Variants in PRKCI observed in about 807,000 individuals in gnomAD.
PRKCI encodes the protein protein kinase C iota.
A neutral mutation model predicts 84.0 loss-of-function variants in PRKCI; 43 were observed. That is an observed-to-expected ratio of 0.51 (90% CI 0.40 to 0.66). The LOEUF (loss-of-function observed/expected upper bound fraction) is 0.66, where lower values mean the gene tolerates loss of function less well. PRKCI is among the 30% of genes least tolerant of loss of function. The probability of loss-of-function intolerance (pLI) is 0.00; values close to 1 mark genes in which losing one functional copy is unlikely to be tolerated. For missense variants in PRKCI, 459 were observed against 745.6 expected (o/e 0.62, Z 4.48); for synonymous variants, 216 against 234.4 (o/e 0.92, Z 0.72).
intron 1 of PRKCI, among the ~76,000 whole-genome samples, chr3:170,225,080 C>T (rs1732594535): frequency 6.6e-6 from 1 of 152,178 alleles, no homozygotes; most frequent in East Asian, 1.9e-4. Flanking sequence ...CATACAGCTT[C>T]TTTAGTGTTT....
In PRKCI at chr3:170,291,919, A is replaced by G. The variant is rs753618406; in HGVS notation, c.1269A>G (p.Glu423=). Reference sequence around the variant, plus strand: ...GTACTCCTAATTACATTGCTCCTGAAATTTTAAGAGGAGAAGATTATGGTA... The same window carrying G: ...GTACTCCTAATTACATTGCTCCTGAGATTTTAAGAGGAGAAGATTATGGTA... ...FCGTPNYIAP[E]ILRGEDYGFS... Residue 423 remains glutamate (E), a synonymous_variant, in exon 13 of 18, where the codon GAA becomes GAG. Transcript: ENST00000295797. 4 of 1,600,290 alleles carry G rather than the reference A, an allele frequency of 2.5e-6. No homozygotes were observed. Among genetic ancestry groups the G allele is most frequent in the Non-Finnish European group, 3.4e-6 (4 of 1,167,510 alleles).
intron 2 of PRKCI, among the ~76,000 whole-genome samples, chr3:170,254,096 C>CAAA (rs139535233): frequency 7.3e-6 from 1 of 137,278 alleles, no homozygotes; most frequent in African/African-American, 2.6e-5. Flanking sequence ...GATCCGTTTC[C>CAAA]AAAAAAAAAA....
intron 3 of PRKCI, among the ~76,000 whole-genome samples, chr3:170,262,674 AGTTTTACCAT>A (rs1235209813): frequency 6.6e-6 from 1 of 151,848 alleles, no homozygotes; most frequent in Non-Finnish European, 1.5e-5. Flanking sequence ...GTAGAGACAG[AGTTTTACCAT>A]GTTGGCCAGG....
intron 16 of PRKCI, among the ~76,000 whole-genome samples, chr3:170,297,642 G>C (rs529078392): frequency 6.7e-6 from 1 of 148,190 alleles, no homozygotes; most frequent in African/African-American, 2.6e-5. Context: ...AGTAGAGATG[G>C]GGGGGGTTTC....
chr3:170,249,005 G>A (rs1225138157), intron 2 of PRKCI, among the ~76,000 whole-genome samples: 2 of 151,832 alleles, frequency 1.3e-5, no homozygotes, highest in South Asian at 2.1e-4. Flanking sequence ...CCGCCGCCAC[G>A]CTTGGCTAAT....
intron 2 of PRKCI, among the ~76,000 whole-genome samples, chr3:170,245,856 G>A (rs1350456374): frequency 1.3e-5 from 2 of 151,770 alleles, no homozygotes; most frequent in Admixed American, 6.6e-5. Context: ...CATGACTCCT[G>A]GCTCAAGCAC....
chr3:170,293,933 A>G (rs1313395048), intron 14 of PRKCI, among the ~76,000 whole-genome samples: 1 of 152,046 alleles, frequency 6.6e-6, no homozygotes, highest in Non-Finnish European at 1.5e-5. Flanking sequence ...TGCCCACCTC[A>G]GCCTCCCCAG....
At chr3:170,260,138 ATAATCT>A (rs1361260968) in intron 3 of PRKCI, 80 bp downstream of exon 3, 51 of 915,872 alleles carry the variant, frequency 5.6e-5, no homozygotes, top group Non-Finnish European at 3.3e-5. Flanking sequence ...ATTTTGAAAC[ATAATCT>A]TAATGTCATT....
chr3:170,250,679 G>A (rs763217077), intron 2 of PRKCI, among the ~76,000 whole-genome samples: 1 of 152,104 alleles, frequency 6.6e-6, no homozygotes, highest in South Asian at 2.1e-4. Context: ...ATTGGCTATT[G>A]TGAGTAATGT....
intron 17 of PRKCI, among the ~76,000 whole-genome samples, chr3:170,300,510 A>AT (rs899837295): frequency 1.3e-5 from 2 of 150,372 alleles, no homozygotes; most frequent in East Asian, 2.0e-4. Flanking sequence ...AGATACTCTG[A>AT]TTTTTCCCCC....
chr3:170,231,886 A>T (rs184750169), intron 1 of PRKCI, among the ~76,000 whole-genome samples: 23 of 152,302 alleles, frequency 1.5e-4, no homozygotes, highest in South Asian at 2.1e-4. Flanking sequence ...GCTTTTAAAG[A>T]ATTAAAGTTA....
intron 12 of PRKCI, among the ~76,000 whole-genome samples, chr3:170,286,755 G>A (rs536677449): frequency 2.0e-5 from 3 of 150,428 alleles, no homozygotes; most frequent in African/African-American, 7.3e-5. Context: ...TGTAGTTTAT[G>A]ATCAATATTA....
intron 7 of PRKCI, among the ~76,000 whole-genome samples, chr3:170,274,920 A>T (rs888161214): frequency 6.6e-6 from 1 of 152,210 alleles, no homozygotes; most frequent in African/African-American, 2.4e-5. Flanking sequence ...GAAGTGTTTG[A>T]TTAATTTGTA....
At chr3:170,232,484 T>C (rs1397812570) in intron 1 of PRKCI, among the ~76,000 whole-genome samples, 3 of 152,046 alleles carry the variant, frequency 2.0e-5, no homozygotes, top group African/African-American at 7.2e-5. Flanking sequence ...TTATTTAGTC[T>C]TCATGATAAT....
At chr3:170,287,486 T>C (rs1264433791) in intron 12 of PRKCI, among the ~76,000 whole-genome samples, 1 of 151,910 alleles carries the variant, frequency 6.6e-6, no homozygotes, top group African/African-American at 2.4e-5. Flanking sequence ...TCAGCATTTT[T>C]CAAGTTGTTA....
At chr3:170,287,918 A>G (rs1217626326) in intron 12 of PRKCI, among the ~76,000 whole-genome samples, 4 of 151,264 alleles carry the variant, frequency 2.6e-5, no homozygotes, top group African/African-American at 9.7e-5. Context: ...CAAAAAAAAA[A>G]AAAAAAAAAA....
rs1734890704 is a variant in PRKCI at position 170,303,962 on chromosome 3, A to G, written c.*835A>G. ...CAGTGAGCCAAGATTAGCCTGGGCA[A>G]CAGTGAGTGAGACTCGGTCTCAAAC... On this transcript the variant is annotated 3_prime_UTR_variant, in exon 18 of 18. Coordinates refer to ENST00000295797, the MANE Select transcript of PRKCI (RefSeq NM_002740.6). 6.1e-6 allele frequency: 1 copy of G among 164,970 alleles called. No individual in the cohort carries two copies. The highest frequency in any genetic ancestry group is 2.4e-5 in the African/African-American group (1 of 41,890). The allele number at this position is 164,970 out of a possible 1,614,324, so 10.2% of individuals were successfully genotyped here.
chr3:170,239,153 C>A (rs1422166806), intron 2 of PRKCI, among the ~76,000 whole-genome samples: 1 of 152,162 alleles, frequency 6.6e-6, no homozygotes, highest in Non-Finnish European at 1.5e-5. Context: ...TTGCCCTTAC[C>A]AACCTTAGAT....
intron 1 of PRKCI, among the ~76,000 whole-genome samples, chr3:170,224,609 C>T (rs555559063): frequency 2.9e-4 from 44 of 152,250 alleles, no homozygotes; most frequent in Middle Eastern, 3.4e-3. Flanking sequence ...CTGCATTCTC[C>T]GCCTCCCGGG....
Sources: gnomAD v4.1 joint callset for allele counts (sites outside exome capture counted in the v4.1 genomes callset) on GRCh38, gnomAD v4.1.1 for gene constraint, MANE v1.5 for transcripts, NCBI Gene and HGNC (gene_info 2026-07-23, HGNC 2026-07-21) for gene names.